The following CBLC variants were observed in gnomAD, a reference collection of about 807,000 sequenced individuals.
The protein encoded by CBLC is E3 ubiquitin-protein ligase CBL-C.
In CBLC, 46 loss-of-function variants were observed where a neutral mutation model predicts 58.6. That is an observed-to-expected ratio of 0.79 (90% CI 0.62 to 1.00). CBLC has a LOEUF of 1.00. CBLC is among the 50% of genes least tolerant of loss of function. CBLC has a pLI of 0.00. For synonymous variants in CBLC, 271 were observed against 264.2 expected (o/e 1.03, Z -0.25); for missense variants, 655 against 625.8 (o/e 1.05, Z -0.50).
chr19:44,784,117 G>A, intron 4 of CBLC, 147 bp from the exon 5 acceptor site: 1 of 640,520 alleles, frequency 1.6e-6, no homozygotes, highest in Non-Finnish European at 2.6e-6. Context: ...GCAGGCAGGG[G>A]TCTAGCACAT....
intron 9 of CBLC, 85 bp downstream of exon 9, chr19:44,794,366 C>A: frequency 7.6e-7 from 1 of 1,310,040 alleles, no homozygotes; most frequent in Non-Finnish European, 1.1e-6. Context: ...TCAGGGGTGC[C>A]AGGGCAGGGA....
intron 9 of CBLC, among the ~76,000 whole-genome samples, chr19:44,794,738 C>T (rs537542093): frequency 6.6e-6 from 1 of 152,118 alleles, no homozygotes; most frequent in East Asian, 1.9e-4. Context: ...GCGGGGATTA[C>T]AGGAGTGAGC....
chr19:44,780,137 A>C (rs1333282144), intron 1 of CBLC, among the ~76,000 whole-genome samples: 3 of 151,038 alleles, frequency 2.0e-5, no homozygotes, highest in Non-Finnish European at 4.4e-5. Flanking sequence ...AATTCAGCGT[A>C]ATTTTTTTTT....
At chr19:44,794,094 A>G in intron 8 of CBLC, 110 bp from the exon 9 acceptor site, 1 of 1,495,124 alleles carries the variant, frequency 6.7e-7, no homozygotes, top group South Asian at 1.4e-5. Context: ...TCTCTGTTAT[A>G]TCTTGAGTCT....
At chr19:44,788,882 C>T (rs955751047) in intron 5 of CBLC, among the ~76,000 whole-genome samples, 8 of 152,166 alleles carry the variant, frequency 5.3e-5, no homozygotes, top group Non-Finnish European at 1.2e-4. Flanking sequence ...AAACTGAGGC[C>T]AGAAAGGTCG....
Position 44,781,050 on chromosome 19 carries a change from C to T in CBLC, c.499C>T (p.Arg167Trp), listed in dbSNP as rs752145860. 12 of 1,611,324 alleles carry T rather than the reference C, an allele frequency of 7.4e-6. No individual in the cohort carries two copies. Among genetic ancestry groups the T allele is most frequent in the South Asian group, 1.1e-5 (1 of 90,858 alleles). ...CTTCTGGAGGGAAAGTTGCGGAGCC[C>T]GGTGAGTAAGCCCTTGTCCTCAGCT... Reference protein sequence around the residue: ...HTFWRESCGARCVLPWAEFES... With the variant: ...HTFWRESCGAWCVLPWAEFES... Residue 167 changes from arginine (R) to tryptophan (W), a missense_variant and splice_region_variant, in exon 2 of 11, where the codon CGG becomes TGG. Coordinates refer to ENST00000647358, the MANE Select transcript of CBLC (RefSeq NM_012116.4).
At chr19:44,787,545 G>A (rs549488796) in intron 5 of CBLC, among the ~76,000 whole-genome samples, 45 of 150,390 alleles carry the variant, frequency 3.0e-4, no homozygotes, top group African/African-American at 9.8e-4. Flanking sequence ...GGGATTACAC[G>A]GTGGCTCACA....
intron 9 of CBLC, 47 bp from the exon 10 acceptor site, chr19:44,800,334 A>G: frequency 3.0e-6 from 4 of 1,323,226 alleles, no homozygotes; most frequent in Non-Finnish European, 3.3e-6. Flanking sequence ...AGAGGGAAAG[A>G]TTGGATGCCG....
chr19:44,784,923 C>CAGAACTGG (rs1967848669), intron 5 of CBLC, among the ~76,000 whole-genome samples: 1 of 115,100 alleles, frequency 8.7e-6, no homozygotes, highest in Non-Finnish European at 1.7e-5. Flanking sequence ...GGGGCAGAAA[C>CAGAACTGG]AGAACTGGAG....
Position 44,800,352 on chromosome 19 carries a change from A to C in CBLC, c.1363-29A>C, listed in dbSNP as rs1460409698. Reference sequence around the variant, plus strand: ...GGGAAAGATTGGATGCCGGGAATCAACCGCCCTCTCAAAATATCTCCATTG... The same window carrying C: ...GGGAAAGATTGGATGCCGGGAATCACCCGCCCTCTCAAAATATCTCCATTG... On this transcript the variant is annotated intron_variant, in intron 9 of 10. Transcript: ENST00000647358. 5 of 1,526,276 alleles carry C rather than the reference A, an allele frequency of 3.3e-6. No homozygotes were observed. The African/African-American group carries it at 5.5e-5, about 17-fold the overall frequency. 94.5% of individuals were successfully genotyped at this position (1,526,276 alleles called of 1,614,324 possible). A position where few individuals can be genotyped will look rare whatever the true frequency, so the allele number is the denominator to read the frequency against.
chr19:44,799,210 G>T (rs1968238284), intron 9 of CBLC, among the ~76,000 whole-genome samples: 1 of 152,188 alleles, frequency 6.6e-6, no homozygotes, highest in African/African-American at 2.4e-5. Flanking sequence ...GGTGGCTCAT[G>T]CCTGTAATCC....
intron 9 of CBLC, among the ~76,000 whole-genome samples, chr19:44,796,802 T>C (rs1968187540): frequency 6.6e-6 from 1 of 151,764 alleles, no homozygotes; most frequent in Non-Finnish European, 1.5e-5. Flanking sequence ...TCCGGCTGAG[T>C]ACACACAGGC....
At chr19:44,796,530 A>G (rs1968181311) in intron 9 of CBLC, among the ~76,000 whole-genome samples, 1 of 151,886 alleles carries the variant, frequency 6.6e-6, no homozygotes, top group Admixed American at 6.6e-5. Context: ...GATTACAGGC[A>G]GGTGCCACCA....
intron 4 of CBLC, among the ~76,000 whole-genome samples, chr19:44,782,704 C>CT (rs1347391950): frequency 6.6e-6 from 1 of 152,126 alleles, no homozygotes; most frequent in Non-Finnish European, 1.5e-5. Flanking sequence ...AATCCTGCAG[C>CT]TAAGGGACAG....
intron 5 of CBLC, among the ~76,000 whole-genome samples, chr19:44,786,210 G>C (rs1259511886): frequency 6.6e-6 from 1 of 151,888 alleles, no homozygotes; most frequent in African/African-American, 2.4e-5. Flanking sequence ...TAGGACTACA[G>C]GTGCACGCCA....
intron 4 of CBLC, among the ~76,000 whole-genome samples, chr19:44,784,043 A>G (rs1481838468): frequency 6.6e-6 from 1 of 152,176 alleles, no homozygotes; most frequent in Non-Finnish European, 1.5e-5. Context: ...CTCCAAATGG[A>G]ATCAGGGCTG....
Position 44,800,533 on chromosome 19 carries a change from C to G in CBLC, c.*8-18C>G. Reference sequence around the variant, plus strand: ...CTGGAGGTGACCTCATCTAACCCACCCCTCTCTCCGCCTACAGGGCACCCA... The same window carrying G: ...CTGGAGGTGACCTCATCTAACCCACGCCTCTCTCCGCCTACAGGGCACCCA... On this transcript the variant is annotated intron_variant, in intron 10 of 10. Transcript: ENST00000647358. 1.2e-6 allele frequency: 1 copy of G among 816,654 alleles called. No homozygotes were observed. The highest frequency in any genetic ancestry group is 1.7e-5 in the African/African-American group (1 of 58,746). The allele number at this position is 816,654 out of a possible 1,614,324, so 50.6% of individuals were successfully genotyped here. A position where few individuals can be genotyped will look rare whatever the true frequency, so the allele number is the denominator to read the frequency against.
At chr19:44,790,154 G>C (rs1470537964) in intron 6 of CBLC, 63 bp downstream of exon 6, 20 of 1,262,704 alleles carry the variant, frequency 1.6e-5, no homozygotes, top group Non-Finnish European at 2.1e-5. Flanking sequence ...ACGTTGCCTT[G>C]GCTCAGAGGC....
At position 44,800,115 on chromosome 19, in the gene CBLC, C is replaced by T. The variant is rs114075829; in HGVS notation, c.1363-266C>T. Reference sequence around the variant, plus strand: ...CCACTGTGTCACCCCTGTCCAGGGCCTGTGAAAGGACGTCCACCCAGGCTG... The same window carrying T: ...CCACTGTGTCACCCCTGTCCAGGGCTTGTGAAAGGACGTCCACCCAGGCTG... On this transcript the variant is annotated intron_variant, in intron 9 of 10. Coordinates refer to ENST00000647358, the MANE Select transcript of CBLC (RefSeq NM_012116.4). Among the ~76,000 whole-genome samples, 822 of 152,322 alleles carry T rather than the reference C, an allele frequency of 5.4e-3. 10 individuals carry two copies. Among genetic ancestry groups the T allele is most frequent in the African/African-American group, 0.019 (777 of 41,584 alleles).
Sources: gnomAD v4.1 joint callset for allele counts (sites outside exome capture counted in the v4.1 genomes callset) on GRCh38, gnomAD v4.1.1 for gene constraint, MANE v1.5 for transcripts, NCBI Gene and HGNC (gene_info 2026-07-23, HGNC 2026-07-21) for gene names.